FURIN: variants seen among roughly 807,000 people sequenced by gnomAD.
The protein encoded by FURIN is furin, paired basic amino acid cleaving enzyme, also known as FES upstream region.
A neutral mutation model predicts 89.2 loss-of-function variants in FURIN; 18 were observed. The ratio of observed to expected loss-of-function variants is 0.20; its 90% CI spans 0.14 to 0.30. FURIN has a LOEUF of 0.30. Ranked by LOEUF, FURIN falls within the 10% of genes least tolerant of loss-of-function variation. The pLI is 1.00. For missense variants in FURIN, 879 were observed against 1,100.5 expected (o/e 0.80, Z 2.85); for synonymous variants, 508 against 466.4 (o/e 1.09, Z -1.15).
Position 90,882,645 on chromosome 15 carries a change from G to A in FURIN, c.*767G>A, listed in dbSNP as rs1332217740. 3 of 152,734 alleles carry A rather than the reference G, an allele frequency of 2.0e-5. No individual in the cohort carries two copies. The highest frequency in any genetic ancestry group is 3.8e-4 in the East Asian group (2 of 5,200). 9.5% of individuals were successfully genotyped at this position (152,734 alleles called of 1,614,324 possible). Reference sequence around the variant, plus strand: ...GGCTGTTGGCACTCACAGACCTGGAGCCCCTGGGTGGGTGGTGGGGAGGGG... The same window carrying A: ...GGCTGTTGGCACTCACAGACCTGGAACCCCTGGGTGGGTGGTGGGGAGGGG... On this transcript the variant is annotated 3_prime_UTR_variant, in exon 16 of 16. Coordinates refer to ENST00000268171, the MANE Select transcript of FURIN (RefSeq NM_002569.4).
Position 90,875,710 on chromosome 15 carries a change from C to T in FURIN, c.-31C>T, listed in dbSNP as rs201805658. 8.0e-6 allele frequency: 12 copies of T among 1,499,500 alleles called. No homozygotes were observed. The highest frequency in any genetic ancestry group is 5.6e-5 in the African/African-American group (4 of 71,964). 92.9% of individuals were successfully genotyped at this position (1,499,500 alleles called of 1,614,324 possible). A position where few individuals can be genotyped will look rare whatever the true frequency, so the allele number is the denominator to read the frequency against. Reference sequence around the variant, plus strand: ...CCTGTGACCAGGCCAAGGAGACGGGCGCTCCAGGGTCCCAGCCACCTGTCC... The same window carrying T: ...CCTGTGACCAGGCCAAGGAGACGGGTGCTCCAGGGTCCCAGCCACCTGTCC... On this transcript the variant is annotated 5_prime_UTR_variant, in exon 2 of 16. Transcript: ENST00000268171.
intron 1 of FURIN, among the ~76,000 whole-genome samples, chr15:90,872,514 T>C (rs985076531): frequency 1.3e-5 from 2 of 152,108 alleles, no homozygotes; most frequent in Admixed American, 6.5e-5. Context: ...GCATAGGAGA[T>C]TAGCCAAGCC....
At position 90,881,863 on chromosome 15, in the gene FURIN, C is replaced by A. The variant is rs761381371; in HGVS notation, c.2370C>A (p.Asp790Glu). The change falls in exon 16 of 16, where the codon GAC becomes GAA. Residue 790 changes from aspartate to glutamate, a missense_variant. Physicochemically the swap from Asp to Glu is conservative, Grantham distance 45. This residue lies in a region of FURIN where 457 missense variants were observed against 490.7 expected (regional missense o/e 0.93). Coordinates refer to ENST00000268171, the MANE Select transcript of FURIN (RefSeq NM_002569.4). The surrounding 1 kb of genome is among the most constrained non-coding windows in gnomAD (Gnocchi z 4.3). The part of the protein sequence containing the change: ...GRGERTAFIK[D>E]QSAL ...GCGAGAGGACCGCCTTTATCAAAGA[C>A]CAGAGCGCCCTCTGATGAGCCCACT... The A allele has an allele frequency of 2.5e-6, 4 of 1,611,366 alleles. No homozygotes were observed. The highest frequency in any genetic ancestry group is 3.4e-6 in the Non-Finnish European group (4 of 1,179,062).
rs753881946 is a variant in FURIN, at chr15:90,880,002, G to T, written c.1376+18G>T. 1.2e-6 allele frequency: 2 copies of T among 1,609,044 alleles called. No individual in the cohort carries two copies. Among genetic ancestry groups the T allele is most frequent in the Non-Finnish European group, 1.7e-6 (2 of 1,176,508 alleles). ...GAGCCCAAGTGAGGGCTGGACCCAG[G>T]CTGGGAGGGGGCCAGTGGGACCTGA... On this transcript the variant is annotated intron_variant, in intron 12 of 15. Transcript: ENST00000268171.
chr15:90,880,845 C>T (rs371353328), intron 14 of FURIN, 30 bp downstream of exon 14: 19 of 1,610,928 alleles, frequency 1.2e-5, no homozygotes, highest in East Asian at 2.2e-5. Context: ...GGTAGGGGTA[C>T]GAGGTGGAGG....
chr15:90,875,946 G>C (rs1424512709), intron 2 of FURIN, 29 bp downstream of exon 2: 2 of 1,526,254 alleles, frequency 1.3e-6, no homozygotes, highest in Non-Finnish European at 1.8e-6. Flanking sequence ...GACACTGCCA[G>C]GGGGTGGGAC....
chr15:90,881,930 A>C lies in FURIN; in HGVS notation c.*52A>C. On this transcript the variant is annotated 3_prime_UTR_variant, in exon 16 of 16. Transcript: ENST00000268171. This position sits in a 1 kb window ranked among gnomAD's most constrained non-coding sequence, Gnocchi z 4.3. The stretch of plus-strand genomic sequence containing the variant: ...CAATCCCCTCCTTGGGCACTTTTTA[A>C]TTCACCAAAGTATTTTTTTATCTTG... The C allele has an allele frequency of 7.9e-7, 1 of 1,268,664 alleles. No homozygotes were observed. The highest frequency in any genetic ancestry group is 1.1e-6 in the Non-Finnish European group (1 of 898,942). The allele number at this position is 1,268,664 out of a possible 1,614,324, so 78.6% of individuals were successfully genotyped here.
At position 90,876,047 on chromosome 15, in the gene FURIN, C is replaced by G; in HGVS notation, c.177+130C>G. ...CCGGCATGTTCTGGGTGGCCATGAG[C>G]AAAGCACAGGTGGTTCAGGCAAGCA... On this transcript the variant is annotated intron_variant, in intron 2 of 15. Transcript: ENST00000268171. This position sits in a 1 kb window ranked among gnomAD's most constrained non-coding sequence, Gnocchi z 5.0. 1.2e-6 allele frequency: 1 copy of G among 848,410 alleles called. No homozygotes were observed. Among genetic ancestry groups the G allele is most frequent in the African/African-American group, 1.7e-5 (1 of 59,318 alleles). The allele number at this position is 848,410 out of a possible 1,614,324, so 52.6% of individuals were successfully genotyped here. A position where few individuals can be genotyped will look rare whatever the true frequency, so the allele number is the denominator to read the frequency against.
In FURIN at chr15:90,883,403, A is replaced by C. The variant is rs1211665783; in HGVS notation, c.*1525A>C. 2.6e-5 allele frequency: 4 copies of C among 152,670 alleles called. No homozygotes were observed. Among genetic ancestry groups the C allele is most frequent in the Admixed American group, 2.6e-4 (4 of 15,294 alleles). 9.5% of individuals were successfully genotyped at this position (152,670 alleles called of 1,614,324 possible). ...GCATTGCTGGTTCTATTTAATGGAC[A>C]TGAGATAATGTTAGAGGTTTTAAAG... is the stretch of plus-strand genomic sequence containing the variant. On this transcript the variant is annotated 3_prime_UTR_variant, in exon 16 of 16. Coordinates refer to ENST00000268171, the MANE Select transcript of FURIN (RefSeq NM_002569.4).
rs989424423 is a variant in FURIN at position 90,881,984 on chromosome 15, C to CA, written c.*108dup. On this transcript the variant is annotated 3_prime_UTR_variant, in exon 16 of 16. Coordinates refer to ENST00000268171, the MANE Select transcript of FURIN (RefSeq NM_002569.4). This position sits in a 1 kb window ranked among gnomAD's most constrained non-coding sequence, Gnocchi z 4.3. ...CTGGGTTTGGACCCCAGCTGGGAGG[C>CA]AAGAGGGGTGGAGACTGCTTCCCAT... is the stretch of plus-strand genomic sequence containing the variant. 1 of 829,970 alleles carries CA rather than the reference C, an allele frequency of 1.2e-6. No individual in the cohort carries two copies. Among genetic ancestry groups the CA allele is most frequent in the African/African-American group, 1.7e-5 (1 of 58,338 alleles). 51.4% of individuals were successfully genotyped at this position (829,970 alleles called of 1,614,324 possible).
chr15:90,878,716 C>A, intron 8 of FURIN, 48 bp from the exon 9 acceptor site: 1 of 1,159,336 alleles, frequency 8.6e-7, no homozygotes, highest in East Asian at 2.4e-5. Context: ...CCTGCCAGCC[C>A]TCCCTCAAGT....
chr15:90,871,174 G>A (rs1277628886), intron 1 of FURIN, among the ~76,000 whole-genome samples: 8 of 152,190 alleles, frequency 5.3e-5, no homozygotes, highest in African/African-American at 1.7e-4. Flanking sequence ...TCGTCGCCCA[G>A]GAGTGGGGAA....
rs148110342 is a variant in FURIN, at chr15:90,876,318, C to T, written c.241C>T (p.Arg81Cys). The stretch of plus-strand genomic sequence containing the variant: ...GACGAAGCGGTCCCTGTCGCCTCAC[C>T]GCCCGCGGCACAGCCGGCTGCAGAG... ...GVTKRSLSPHRPRHSRLQREP... is the reference protein window; with the variant it reads ...GVTKRSLSPHCPRHSRLQREP... Residue 81 changes from arginine (R) to cysteine (C), a missense_variant, in exon 3 of 16, where the codon CGC becomes TGC. By Grantham distance (180) the Arg-to-Cys change is radical. This residue lies in a region of FURIN where 125 missense variants were observed against 125.0 expected (regional missense o/e 1.00). Transcript: ENST00000268171. This position sits in a 1 kb window ranked among gnomAD's most constrained non-coding sequence, Gnocchi z 5.0. 1.9e-3 allele frequency: 3,111 copies of T among 1,612,810 alleles called. 31 individuals are homozygous for T. The highest frequency in any genetic ancestry group is 0.018 in the Middle Eastern group (108 of 6,062).
chr15:90,881,834 C>T lies in FURIN; in HGVS notation c.2341C>T (p.Arg781Trp), dbSNP rs199554506. The T allele has an allele frequency of 9.3e-6, 15 of 1,613,184 alleles. No homozygotes were observed. Among genetic ancestry groups the T allele is most frequent in the African/African-American group, 5.3e-5 (4 of 75,044 alleles). The change falls in exon 16 of 16, where the codon CGG (arginine) becomes TGG (tryptophan). Residue 781 changes from arginine (R) to tryptophan (W), a missense_variant. Physicochemically the swap from Arg to Trp is moderately radical, Grantham distance 101 (BLOSUM62 -3). Around this residue, in one of 5 missense-constraint regions of FURIN, gnomAD observed 457 missense variants for 490.7 expected, o/e 0.93. Coordinates refer to ENST00000268171, the MANE Select transcript of FURIN (RefSeq NM_002569.4). The surrounding 1 kb of genome is among the most constrained non-coding windows in gnomAD (Gnocchi z 4.3). ...GTCTGACTCAGAAGAGGACGAGGGC[C>T]GGGGCGAGAGGACCGCCTTTATCAA... is the stretch of plus-strand genomic sequence containing the variant. Reference protein sequence around the residue: ...CPSDSEEDEGRGERTAFIKDQ... With the variant: ...CPSDSEEDEGWGERTAFIKDQ...
In FURIN at chr15:90,881,487, A is replaced by G. The variant is rs775339741; in HGVS notation, c.1994A>G (p.His665Arg). 1 of 1,611,960 alleles carries G rather than the reference A, an allele frequency of 6.2e-7. No individual in the cohort carries two copies. The highest frequency in any genetic ancestry group is 8.5e-7 in the Non-Finnish European group (1 of 1,179,726). The change falls in exon 16 of 16, where the codon CAC (histidine) becomes CGC (arginine). Residue 665 changes from histidine to arginine, a missense_variant. Physicochemically the swap from His to Arg is conservative, Grantham distance 29. Around this residue, in one of 5 missense-constraint regions of FURIN, gnomAD observed 457 missense variants for 490.7 expected, o/e 0.93. Transcript: ENST00000268171. This position sits in a 1 kb window ranked among gnomAD's most constrained non-coding sequence, Gnocchi z 4.3. ...ACAGACTGCCTCAGCTGCCCCAGCCACGCCTCCTTGGACCCTGTGGAGCAG... is the reference window on the plus strand; with the variant it reads ...ACAGACTGCCTCAGCTGCCCCAGCCGCGCCTCCTTGGACCCTGTGGAGCAG... ...ALTDCLSCPS[H>R]ASLDPVEQTC...
rs1224049896 is a variant in FURIN, at chr15:90,881,607, GGGCAGGGCTGCT to G, written c.2116_2127del (p.Ala706_Leu709del). 6.2e-7 allele frequency: 1 copy of G among 1,603,500 alleles called. No homozygotes were observed. The highest frequency in any genetic ancestry group is 2.2e-5 in the East Asian group (1 of 44,636). On this transcript the variant is annotated inframe_deletion, in exon 16 of 16. Coordinates refer to ENST00000268171, the MANE Select transcript of FURIN (RefSeq NM_002569.4). The surrounding 1 kb of genome is among the most constrained non-coding windows in gnomAD (Gnocchi z 4.3). ...GAGGTGGAGGCGGGGCAACGGCTGC[GGGCAGGGCTGCT>G]GCCCTCACACCTGCCTGAGGTGGTG...
chr15:90,878,121 T>G lies in FURIN; in HGVS notation c.668-11T>G, dbSNP rs1426703342. 1.2e-6 allele frequency: 2 copies of G among 1,613,498 alleles called. No individual in the cohort carries two copies. The highest frequency in any genetic ancestry group is 2.2e-5 in the South Asian group (2 of 91,074). On this transcript the variant is annotated splice_polypyrimidine_tract_variant and intron_variant, in intron 7 of 15. Transcript: ENST00000268171. ...GCAGCATCCCTCTTCGTGCCCCCCC[T>G]TCACGGCCAGGGGTGCGCATGCTGG...
At chr15:90,871,301 G>C (rs1034009451) in intron 1 of FURIN, among the ~76,000 whole-genome samples, 1 of 152,142 alleles carries the variant, frequency 6.6e-6, no homozygotes, top group Non-Finnish European at 1.5e-5. Flanking sequence ...TCTTCCCGGG[G>C]AGCTCGCGGG....
rs886183736 is a variant in FURIN at position 90,879,746 on chromosome 15, C to T, written c.1230C>T (p.Asp410=). 6.2e-7 allele frequency: 1 copy of T among 1,613,832 alleles called. No individual in the cohort carries two copies. The highest frequency in any genetic ancestry group is 8.5e-7 in the Non-Finnish European group (1 of 1,179,980). Residue 410 remains aspartate (D), a synonymous_variant, in exon 11 of 16, where the codon GAC becomes GAT. Coordinates refer to ENST00000268171, the MANE Select transcript of FURIN (RefSeq NM_002569.4). ...TSKPAHLNAN[D]WATNGVGRKV... is the part of the protein sequence containing the mutation. Reference sequence around the variant, plus strand: ...AGCCAGCCCACCTCAATGCCAACGACTGGGCCACCAATGGTGTGGGCCGGA... The same window carrying T: ...AGCCAGCCCACCTCAATGCCAACGATTGGGCCACCAATGGTGTGGGCCGGA...
Sources: allele counts gnomAD v4.1 joint callset (sites outside exome capture counted in the v4.1 genomes callset), GRCh38; gene constraint gnomAD v4.1.1; regional missense constraint gnomAD v4.1.1; non-coding constraint Gnocchi (gnomAD v3.1); transcripts MANE v1.5; gene names NCBI Gene and HGNC (gene_info 2026-07-23, HGNC 2026-07-21).